The following KANSL1 variants were observed in gnomAD, a reference collection of about 807,000 sequenced individuals.
The protein encoded by KANSL1 is MLL1/MLL complex subunit KANSL1.
In KANSL1, 22 loss-of-function variants were observed where a neutral mutation model predicts 103.6. The observed-to-expected ratio is 0.21, with a 90% CI of 0.15 to 0.30. The LOEUF is 0.30. Ranked by LOEUF, KANSL1 falls within the 10% of genes least tolerant of loss-of-function variation. KANSL1 has a pLI of 1.00. For missense variants in KANSL1, 1,337 were observed against 1,399.8 expected (o/e 0.96, Z 0.72); for synonymous variants, 600 against 527.6 (o/e 1.14, Z -1.88).
chr17:46,178,036 CAA>C (rs1282266689), intron 1 of KANSL1, among the ~76,000 whole-genome samples: 15 of 152,144 alleles, frequency 9.9e-5, no homozygotes, highest in African/African-American at 3.4e-4. Context: ...CTTGGCCTCC[CAA>C]AGTGCTGGGA....
In KANSL1 at chr17:46,084,697, T is replaced by TAAAAAAAAAA. The variant is rs67108405; in HGVS notation, c.1432-2165_1432-2156dup. 9.3e-4 allele frequency among the ~76,000 whole-genome samples: 69 copies of TAAAAAAAAAA among 74,502 alleles called. 2 individuals are homozygous for TAAAAAAAAAA. Among genetic ancestry groups the TAAAAAAAAAA allele is most frequent in the African/African-American group, 3.4e-3 (60 of 17,708 alleles). The allele number at this position is 74,502 out of a possible 152,430, so 48.9% of individuals were successfully genotyped here. On this transcript the variant is annotated intron_variant, in intron 3 of 14. Transcript: ENST00000432791. ...AACTCCACCTCAAAATTTTAAAAAT[T>TAAAAAAAAAA]AAAAAAAAAAAAAAAAAAAAAAAAA...
intron 7 of KANSL1, among the ~76,000 whole-genome samples, chr17:46,047,373 T>G (rs2077549916): frequency 6.6e-6 from 1 of 152,250 alleles, no homozygotes; most frequent in African/African-American, 2.4e-5. Flanking sequence ...CAGGTTCATT[T>G]GTTCACATAT....
At chr17:46,224,448 T>A (rs1438584074), upstream of KANSL1, 1 of 149,782 alleles carries the variant, frequency 6.7e-6, no homozygotes, top group Admixed American at 7.0e-5. Flanking sequence ...AACCAGTTAC[T>A]GCTTCGCTTA....
Position 46,172,026 on chromosome 17 carries a change from C to T in KANSL1, c.118G>A (p.Ala40Thr), listed in dbSNP as rs376632173. 56 of 1,614,118 alleles carry T rather than the reference C, an allele frequency of 3.5e-5. No homozygotes were observed. Among genetic ancestry groups the T allele is most frequent in the Non-Finnish European group, 4.4e-5 (52 of 1,180,056 alleles). ...SPGSAENNGNANILIAANGTK... is the reference protein window; with the variant it reads ...SPGSAENNGNTNILIAANGTK... ...CCGTTGGCAGCAATAAGGATGTTGGCGTTGCCGTTATTTTCGGCACTGCCA... is the reference window on the plus strand; with the variant it reads ...CCGTTGGCAGCAATAAGGATGTTGGTGTTGCCGTTATTTTCGGCACTGCCA... The change falls in exon 2 of 15, where the codon GCC becomes ACC. Residue 40 changes from alanine to threonine, a missense_variant. By Grantham distance (58) the Ala-to-Thr change is moderately conservative. This residue lies in a region of KANSL1 where 557 missense variants were observed against 476.4 expected (regional missense o/e 1.17). Transcript: ENST00000432791.
At chr17:46,123,743 C>A (rs62061859) in intron 2 of KANSL1, among the ~76,000 whole-genome samples, 23 of 152,280 alleles carry the variant, frequency 1.5e-4, no homozygotes, top group African/African-American at 5.5e-4. Context: ...ACGGAGGCTG[C>A]TTTACGAAGT....
rs779686052 is a variant in KANSL1, at chr17:46,032,106, G to C, written c.3031C>G (p.Arg1011Gly). ...CGGGTATCCTCACTGGCTAAGTGTC[G>C]CGGAGTGTCCCGAGCCACAGGGGTG... ...PLTPVARDTP[R>G]HLASEDTRCS... The change falls in exon 14 of 15, where the codon CGA becomes GGA. Residue 1011 changes from arginine to glycine, a missense_variant. Transcript: ENST00000432791. 1 of 1,613,980 alleles carries C rather than the reference G, an allele frequency of 6.2e-7. No individual in the cohort carries two copies. Among genetic ancestry groups the C allele is most frequent in the Non-Finnish European group, 8.5e-7 (1 of 1,180,008 alleles).
At chr17:46,191,786 G>T (rs879680433) in intron 1 of KANSL1, among the ~76,000 whole-genome samples, 1 of 152,166 alleles carries the variant, frequency 6.6e-6, no homozygotes, top group Non-Finnish European at 1.5e-5. Context: ...TGCTAGCCAC[G>T]TGACAAAGGA....
In KANSL1 at chr17:46,186,914, T is replaced by A. The variant is rs1311111470; in HGVS notation, c.-90+5909A>T. On this transcript the variant is annotated intron_variant, in intron 1 of 14. Coordinates refer to ENST00000432791, the MANE Select transcript of KANSL1 (RefSeq NM_015443.4). ...AGCTAATTTTTGCTGTTTTTTTTTT[T>A]AGTAGAGACAGGGTTTCACCATGTT... 5.3e-5 allele frequency among the ~76,000 whole-genome samples: 8 copies of A among 151,192 alleles called. No individual in the cohort carries two copies. The South Asian group carries it at 1.7e-3, about 31-fold the overall frequency.
chr17:46,161,004 T>G (rs917116088), intron 2 of KANSL1, among the ~76,000 whole-genome samples: 35 of 152,308 alleles, frequency 2.3e-4, no homozygotes, highest in Middle Eastern at 3.4e-3. Context: ...TTACATAAAT[T>G]AATTTGTAAA....
At chr17:46,219,685 C>A (rs1174410406) in intron 1 of KANSL1, among the ~76,000 whole-genome samples, 3 of 152,244 alleles carry the variant, frequency 2.0e-5, no homozygotes, top group Non-Finnish European at 4.4e-5. Flanking sequence ...TTTTTAATGC[C>A]TGACTTTGCA....
At chr17:46,209,966 A>G (rs1275992867) in intron 1 of KANSL1, among the ~76,000 whole-genome samples, 1 of 152,244 alleles carries the variant, frequency 6.6e-6, no homozygotes, top group African/African-American at 2.4e-5. Context: ...CTCAATAAGT[A>G]TGTGCTGAAC....
At chr17:46,055,828 G>T (rs1402349930) in intron 6 of KANSL1, among the ~76,000 whole-genome samples, 1 of 152,118 alleles carries the variant, frequency 6.6e-6, no homozygotes, top group East Asian at 1.9e-4. Flanking sequence ...AAGTATATAT[G>T]ACAGTTTATT....
chr17:46,041,497 C>G (rs1374892096), intron 7 of KANSL1: 2 of 152,202 alleles, frequency 1.3e-5, no homozygotes, highest in Admixed American at 6.5e-5. Context: ...TCGGTAACCA[C>G]TTGGGGCATG....
intron 2 of KANSL1, among the ~76,000 whole-genome samples, chr17:46,103,047 G>T (rs988952354): frequency 5.3e-5 from 8 of 152,180 alleles, no homozygotes; most frequent in African/African-American, 1.2e-4. Context: ...ACAAAGAAAC[G>T]ACATGTATAC....
At position 46,171,756 on chromosome 17, in the gene KANSL1, C is replaced by T. The variant is rs766000368; in HGVS notation, c.388G>A (p.Val130Ile). The T allele has an allele frequency of 3.8e-6, 6 of 1,591,028 alleles. No individual in the cohort carries two copies. Among genetic ancestry groups the T allele is most frequent in the Non-Finnish European group, 4.3e-6 (5 of 1,170,936 alleles). The change falls in exon 2 of 15, where the codon GTT (valine) becomes ATT (isoleucine). Residue 130 changes from valine (V) to isoleucine (I), a missense_variant. By Grantham distance (29) the Val-to-Ile change is conservative. Transcript: ENST00000432791. ...AGATTTTCTAAGGAAAACTCCAAAA[C>T]TGGCTGTCTCCCCAACAGCTCAGCT... is the stretch of plus-strand genomic sequence containing the variant. Reference protein sequence around the residue: ...LRAELLGRQPVLEFSLENLRT... With the variant: ...LRAELLGRQPILEFSLENLRT...
At chr17:46,066,908 C>T (rs999559392) in intron 5 of KANSL1, among the ~76,000 whole-genome samples, 176 bp from the exon 6 acceptor site, 3 of 152,198 alleles carry the variant, frequency 2.0e-5, no homozygotes, top group African/African-American at 7.2e-5. Flanking sequence ...GTCTGTTAAT[C>T]TACCTGTGTG....
chr17:46,112,120 G>A (rs529256557), intron 2 of KANSL1, among the ~76,000 whole-genome samples: 8 of 152,174 alleles, frequency 5.3e-5, no homozygotes, highest in African/African-American at 1.9e-4. Flanking sequence ...TAATCCCAGG[G>A]CTTTGGGAGC....
chr17:46,152,087 A>G (rs2045138701), intron 2 of KANSL1, among the ~76,000 whole-genome samples: 1 of 152,266 alleles, frequency 6.6e-6, no homozygotes, highest in Admixed American at 6.5e-5. Context: ...AACACAACAA[A>G]TGTTAACTGG....
intron 2 of KANSL1, among the ~76,000 whole-genome samples, chr17:46,169,045 T>C (rs935474789): frequency 6.6e-6 from 1 of 152,266 alleles, no homozygotes; most frequent in Non-Finnish European, 1.5e-5. Context: ...AATACGCTTA[T>C]AGTGTCTAGG....
Sources: gnomAD v4.1 joint callset for allele counts (sites outside exome capture counted in the v4.1 genomes callset) on GRCh38, gnomAD v4.1.1 for gene constraint, gnomAD v4.1.1 regional missense constraint, MANE v1.5 for transcripts, NCBI Gene and HGNC (gene_info 2026-07-23, HGNC 2026-07-21) for gene names.